Variants in PTCHD1 observed in about 807,000 individuals in gnomAD.
The protein encoded by PTCHD1 is patched domain-containing protein 1.
Under a neutral mutation model 34.6 loss-of-function variants are expected in PTCHD1, and 3 were observed. The ratio of observed to expected loss-of-function variants is 0.09; its 90% confidence interval spans 0.04 to 0.22. The LOEUF is 0.22. Ranked by LOEUF, PTCHD1 falls within the 10% of genes least tolerant of loss-of-function variation. The probability of loss-of-function intolerance (pLI) is 1.00; values close to 1 mark genes in which losing one functional copy is unlikely to be tolerated. For synonymous variants in PTCHD1, 305 were observed against 283.1 expected (o/e 1.08, Z -0.77); for missense variants, 504 against 685.5 (o/e 0.74, Z 2.96).
At chrX:23,358,551 T>C (rs1921877472) in intron 1 of PTCHD1, among the ~76,000 whole-genome samples, 1 of 112,073 alleles carries the variant, frequency 8.9e-6, no homozygotes, top group South Asian at 3.8e-4. Flanking sequence ...ATATTAGCCC[T>C]TTGTCAGATG....
intron 1 of PTCHD1, among the ~76,000 whole-genome samples, chrX:23,344,052 T>A (rs770767324): frequency 8.9e-6 from 1 of 112,342 alleles, no homozygotes; most frequent in East Asian, 2.8e-4. Flanking sequence ...TACAGACTGA[T>A]TCAAAGGGTC....
At chrX:23,358,615 G>T (rs1417253842) in intron 1 of PTCHD1, among the ~76,000 whole-genome samples, 1 of 111,841 alleles carries the variant, frequency 8.9e-6, no homozygotes, top group East Asian at 2.8e-4. Flanking sequence ...CATTCTGATG[G>T]TAGTTTCTTT....
At chrX:23,346,003 A>G (rs1014946351) in intron 1 of PTCHD1, among the ~76,000 whole-genome samples, 1 of 111,478 alleles carries the variant, frequency 9.0e-6, no homozygotes, top group Non-Finnish European at 1.9e-5. Context: ...GAGATGGAGG[A>G]AGAGAGATAC....
chrX:23,352,823 G>C (rs1921677511), intron 1 of PTCHD1, among the ~76,000 whole-genome samples: 1 of 111,958 alleles, frequency 8.9e-6, no homozygotes, highest in Admixed American at 9.4e-5. Context: ...AATCGCCTGG[G>C]ACCCTATTAG....
At chrX:23,384,018 C>T (rs759128171) in intron 2 of PTCHD1, among the ~76,000 whole-genome samples, 1 of 112,108 alleles carries the variant, frequency 8.9e-6, no homozygotes, top group Non-Finnish European at 1.9e-5. Flanking sequence ...TGTGTGCAAG[C>T]TCTCCTTACA....
chrX:23,364,380 AC>A (rs1416682640), intron 1 of PTCHD1, among the ~76,000 whole-genome samples: 5 of 78,688 alleles, frequency 6.4e-5, no homozygotes, highest in Non-Finnish European at 8.4e-5. Flanking sequence ...AGACACACAC[AC>A]ACACACACAC....
chrX:23,334,550 G>C (rs1316267816), upstream of PTCHD1: 10 of 107,950 alleles, frequency 9.3e-5, no homozygotes, highest in East Asian at 3.0e-3. Context: ...GAGCCCCCCT[G>C]GCGGGGAGGC....
intron 1 of PTCHD1, among the ~76,000 whole-genome samples, chrX:23,341,848 T>G (rs1352668330): frequency 2.7e-5 from 3 of 112,626 alleles, no homozygotes; most frequent in Non-Finnish European, 5.6e-5. Flanking sequence ...TTTTATCTTC[T>G]TGCTCTCTAA....
chrX:23,350,053 G>A lies in PTCHD1; in HGVS notation c.351+14827G>A, dbSNP rs192471049. 2.1e-3 allele frequency among the ~76,000 whole-genome samples: 135 copies of A among 63,607 alleles called. 3 individuals carry two copies. The highest frequency in any genetic ancestry group is 8.7e-3 in the African/African-American group (126 of 14,440). 55.2% of individuals were successfully genotyped at this position (63,607 alleles called of 115,157 possible). On this transcript the variant is annotated intron_variant, in intron 1 of 2. Transcript: ENST00000379361. ...ATGTGTTCTAGGAAAGCTCCCTTTA[G>A]TGCTGTTAAAAAAAAAAAAAAAAAA...
chrX:23,384,886 G>A (rs771759255), intron 2 of PTCHD1, among the ~76,000 whole-genome samples: 3 of 111,857 alleles, frequency 2.7e-5, no homozygotes, highest in Middle Eastern at 4.6e-3. Context: ...GTAATTTTGT[G>A]TGGTTCAGCC....
intron 1 of PTCHD1, among the ~76,000 whole-genome samples, chrX:23,350,798 TA>T (rs775520972): frequency 1.8e-5 from 2 of 110,322 alleles, no homozygotes; most frequent in Non-Finnish European, 3.8e-5. Context: ...TGAGAAAAGC[TA>T]GGTCGAAAGA....
At chrX:23,334,765 T>C (rs1437674007), upstream of PTCHD1, 67 of 165,416 alleles carry the variant, frequency 4.1e-4, no homozygotes, top group African/African-American at 1.0e-3. Context: ...GCCGCCGCCG[T>C]CGCCGCCGCC....
intron 1 of PTCHD1, chrX:23,351,194 G>A (rs1601904593): frequency 1.8e-5 from 12 of 682,915 alleles, no homozygotes; most frequent in Admixed American, 4.7e-5. Context: ...GCTCAGATTG[G>A]AATTTCGGTG....
At chrX:23,366,950 A>ACC (rs1922159827) in intron 1 of PTCHD1, among the ~76,000 whole-genome samples, 1 of 107,797 alleles carries the variant, frequency 9.3e-6, no homozygotes, top group Non-Finnish European at 1.9e-5. Flanking sequence ...ACACACACAC[A>ACC]CACCCCTGCA....
At chrX:23,368,906 T>C (rs1922210926) in intron 1 of PTCHD1, among the ~76,000 whole-genome samples, 2 of 110,202 alleles carry the variant, frequency 1.8e-5, no homozygotes, top group African/African-American at 6.6e-5. Context: ...CTACTAAAAA[T>C]ACAAAGAATT....
rs1284938852 is a variant in PTCHD1, at chrX:23,397,250, G to T, written c.*3065G>T. ...AATTTTTAAAAGTCAAGGTAAGGGT[G>T]ATATTCTCTCATTTAGTGGAAGAAG... On this transcript the variant is annotated 3_prime_UTR_variant, in exon 3 of 3. Transcript: ENST00000379361. 8.9e-6 allele frequency: 1 copy of T among 111,958 alleles called. No individual in the cohort carries two copies. Among genetic ancestry groups the T allele is most frequent in the Non-Finnish European group, 1.9e-5 (1 of 53,257 alleles). 9.2% of individuals were successfully genotyped at this position (111,958 alleles called of 1,213,427 possible).
intron 2 of PTCHD1, among the ~76,000 whole-genome samples, chrX:23,380,573 A>C (rs751295448): frequency 7.2e-5 from 8 of 110,998 alleles, no homozygotes; most frequent in Non-Finnish European, 5.7e-5. Flanking sequence ...TGAGAAAAAG[A>C]TTTGGATACA....
At chrX:23,360,933 T>C (rs762398272) in intron 1 of PTCHD1, among the ~76,000 whole-genome samples, 13 of 112,380 alleles carry the variant, frequency 1.2e-4, no homozygotes, top group Non-Finnish European at 2.4e-4. Flanking sequence ...GAGCAAGTTG[T>C]TCAGTTTCCC....
intron 1 of PTCHD1, among the ~76,000 whole-genome samples, chrX:23,340,606 C>A (rs1301112479): frequency 8.9e-6 from 1 of 112,340 alleles, no homozygotes; most frequent in Non-Finnish European, 1.9e-5. Context: ...GTTGCCTATT[C>A]CAGTCTCTCT....
Sources: gnomAD v4.1 joint callset for allele counts (sites outside exome capture counted in the v4.1 genomes callset) on GRCh38, gnomAD v4.1.1 for gene constraint, MANE v1.5 for transcripts, NCBI Gene and HGNC (gene_info 2026-07-23, HGNC 2026-07-21) for gene names.